The following EGFR variants were observed in gnomAD, a reference collection of about 807,000 sequenced individuals.
The protein encoded by EGFR is avian erythroblastic leukemia viral (v-erb-b) oncogene homolog.
EGFR carries 58 observed loss-of-function variants against 143.0 expected under a neutral mutation model. The observed-to-expected ratio is 0.41, with a 90% CI of 0.33 to 0.50. The LOEUF is 0.50. Among genes scored for constraint, EGFR ranks in the 20% least tolerant of loss-of-function variants. EGFR has a pLI of 0.39. For missense variants in EGFR, 1,307 were observed against 1,579.0 expected, an observed-to-expected ratio of 0.83 and a Z score of 2.92; for synonymous variants, 613 against 594.4, an observed-to-expected ratio of 1.03 and a Z score of -0.45.
intron 1 of EGFR, among the ~76,000 whole-genome samples, chr7:55,040,737 G>A (rs1424419966): frequency 6.6e-6 from 1 of 152,064 alleles, no homozygotes; most frequent in Admixed American, 6.5e-5. Flanking sequence ...ATAGGCACTG[G>A]ATGTTTATCT....
chr7:55,088,535 C>T (rs576874573), intron 1 of EGFR, among the ~76,000 whole-genome samples: 2 of 152,344 alleles, frequency 1.3e-5, no homozygotes, highest in African/African-American at 4.8e-5. Context: ...GGCATCCGCA[C>T]TTGCAAATTA....
intron 26 of EGFR, among the ~76,000 whole-genome samples, chr7:55,202,106 T>A (rs543164361): frequency 2.0e-5 from 3 of 152,334 alleles, no homozygotes; most frequent in Admixed American, 1.3e-4. Context: ...TGTTGAAGTG[T>A]GAGGCCGTGG....
At chr7:55,109,003 G>C (rs4947975) in intron 1 of EGFR, among the ~76,000 whole-genome samples, 41,619 of 152,106 alleles carry the variant, frequency 0.27, 7,402 homozygotes, top group East Asian at 0.69. Flanking sequence ...TTGTGAGGAC[G>C]GTCATTGCTC....
intron 27 of EGFR, among the ~76,000 whole-genome samples, chr7:55,204,848 C>T (rs576536977): frequency 4.1e-4 from 58 of 140,170 alleles, no homozygotes; most frequent in African/African-American, 1.5e-3. Flanking sequence ...CCACACACAC[C>T]CACATGCACA....
chr7:55,049,096 C>T (rs1023539589), intron 1 of EGFR, among the ~76,000 whole-genome samples: 5 of 152,132 alleles, frequency 3.3e-5, no homozygotes, highest in East Asian at 1.9e-4. Context: ...TATGACAACA[C>T]GAAGGACTTC....
At chr7:55,112,596 C>T (rs1308071900) in intron 1 of EGFR, among the ~76,000 whole-genome samples, 1 of 152,234 alleles carries the variant, frequency 6.6e-6, no homozygotes, top group Non-Finnish European at 1.5e-5. Flanking sequence ...TGTGGAGTGG[C>T]TGGCCGAGCC....
intron 1 of EGFR, among the ~76,000 whole-genome samples, chr7:55,057,975 C>T (rs1185420338): frequency 6.6e-6 from 1 of 152,082 alleles, no homozygotes; most frequent in Non-Finnish European, 1.5e-5. Context: ...TGTTATTAGC[C>T]GAAACAAGAG....
chr7:55,089,936 C>CTATT (rs1562704552), intron 1 of EGFR, among the ~76,000 whole-genome samples: 1 of 142,604 alleles, frequency 7.0e-6, no homozygotes, highest in African/African-American at 2.7e-5. Flanking sequence ...CTAGGTGATG[C>CTATT]TACTTATTTA....
intron 10 of EGFR, 86 bp from the exon 11 acceptor site, chr7:55,157,577 G>A: frequency 9.4e-7 from 1 of 1,062,182 alleles, no homozygotes; most frequent in Non-Finnish European, 1.5e-6. Context: ...ATATAATACA[G>A]AGTCCCTGAG....
At chr7:55,173,621 C>T (rs1042185405) in intron 17 of EGFR, among the ~76,000 whole-genome samples, 1 of 152,236 alleles carries the variant, frequency 6.6e-6, no homozygotes, top group African/African-American at 2.4e-5. Context: ...TGCACAACTT[C>T]CCTACCGGAG....
rs539838397 is a variant in EGFR at position 55,160,368 on chromosome 7, G to A, written c.1498+30G>A. 223 of 1,607,538 alleles carry A rather than the reference G, an allele frequency of 1.4e-4. 3 individuals are homozygous for A. In the South Asian group the frequency reaches 1.7e-3, roughly 12 times the overall value. On this transcript the variant is annotated intron_variant, in intron 12 of 27. Coordinates refer to ENST00000275493, the MANE Select transcript of EGFR (RefSeq NM_005228.5). ...GTCACCGCTTTCTGTTTAGTTTATGGAGTTGGTTCTAATGGGTCCTTTATT... is the reference window on the plus strand; with the variant it reads ...GTCACCGCTTTCTGTTTAGTTTATGAAGTTGGTTCTAATGGGTCCTTTATT...
intron 1 of EGFR, among the ~76,000 whole-genome samples, chr7:55,019,571 CGGA>C (rs1275611477): frequency 6.6e-6 from 1 of 151,984 alleles, no homozygotes. Flanking sequence ...CTGGGGCGGG[CGGA>C]GGAGGAGACG....
intron 22 of EGFR, among the ~76,000 whole-genome samples, chr7:55,195,653 T>C (rs1000325015): frequency 3.3e-5 from 5 of 152,176 alleles, no homozygotes; most frequent in African/African-American, 1.2e-4. Flanking sequence ...TTATTTTTCC[T>C]GATCCTCTCC....
intron 2 of EGFR, among the ~76,000 whole-genome samples, chr7:55,143,045 A>G (rs935594061): frequency 4.6e-5 from 7 of 152,224 alleles, no homozygotes; most frequent in African/African-American, 1.7e-4. Flanking sequence ...CCCGTGAGGC[A>G]TGAGAGCACA....
chr7:55,051,573 C>T (rs1285030857), intron 1 of EGFR, among the ~76,000 whole-genome samples: 1 of 152,184 alleles, frequency 6.6e-6, no homozygotes, highest in East Asian at 1.9e-4. Flanking sequence ...GCCTTCAGAA[C>T]CACGAGCCAG....
intron 1 of EGFR, among the ~76,000 whole-genome samples, chr7:55,062,462 A>T (rs1789243813): frequency 6.6e-6 from 1 of 152,178 alleles, no homozygotes; most frequent in Admixed American, 6.5e-5. Flanking sequence ...CCCTAGAAAT[A>T]GCTTGCAAAA....
In EGFR at chr7:55,173,065, A is replaced by C. The variant is rs746757722; in HGVS notation, c.2002A>C (p.Met668Leu). 3.7e-6 allele frequency: 6 copies of C among 1,613,442 alleles called. No individual in the cohort carries two copies. The South Asian group carries it at 6.6e-5, about 18-fold the overall frequency. Residue 668 changes from methionine to leucine, a missense_variant, in exon 17 of 28, where the codon ATG becomes CTG. This residue lies in a region of EGFR where 348 missense variants were observed against 451.5 expected (regional missense o/e 0.77). Transcript: ENST00000275493. Reference protein sequence around the residue: ...LVVALGIGLFMRRRHIVRKRT... With the variant: ...LVVALGIGLFLRRRHIVRKRT... ...GGTGGCCCTGGGGATCGGCCTCTTC[A>C]TGCGAAGGCGCCACATCGTTCGGAA...
intron 1 of EGFR, among the ~76,000 whole-genome samples, chr7:55,077,943 A>T (rs1172324148): frequency 6.6e-6 from 1 of 152,138 alleles, no homozygotes; most frequent in Non-Finnish European, 1.5e-5. Flanking sequence ...GCAAGGGTGT[A>T]ATGCTGCACC....
At chr7:55,168,295 T>A (rs1025492315) in intron 15 of EGFR, among the ~76,000 whole-genome samples, 3 of 152,240 alleles carry the variant, frequency 2.0e-5, no homozygotes, top group Admixed American at 1.3e-4. Context: ...CTGGAATAGA[T>A]GTGCATCAGT....
Sources: gnomAD v4.1 joint callset for allele counts (sites outside exome capture counted in the v4.1 genomes callset) on GRCh38, gnomAD v4.1.1 for gene constraint, gnomAD v4.1.1 regional missense constraint, MANE v1.5 for transcripts, NCBI Gene and HGNC (gene_info 2026-07-23, HGNC 2026-07-21) for gene names.